Variants in LNX2 observed in about 807,000 individuals in gnomAD.
LNX2 encodes the protein ligand of numb-protein X 2, also known as ligand of Numb protein X 2.
Under a neutral mutation model 66.2 loss-of-function variants are expected in LNX2, and 35 were observed. That is an observed-to-expected ratio of 0.53 (90% CI 0.40 to 0.70). The LOEUF (loss-of-function observed/expected upper bound fraction) is 0.70, where lower values mean the gene tolerates loss of function less well. LNX2 is among the 30% of genes least tolerant of loss of function. The probability of loss-of-function intolerance (pLI) is 0.00; values close to 1 mark genes in which losing one functional copy is unlikely to be tolerated. For synonymous variants in LNX2, 337 were observed against 315.6 expected, an observed-to-expected ratio of 1.07 and a Z score of -0.72; for missense variants, 791 against 850.8, an observed-to-expected ratio of 0.93 and a Z score of 0.87.
Position 27,562,554 on chromosome 13 carries a change from C to T in LNX2, c.1083G>A (p.Glu361=), listed in dbSNP as rs780090476. The change falls in exon 5 of 10, where the codon GAG becomes GAA. Residue 361 remains glutamate, a synonymous_variant. Transcript: ENST00000316334. Reference sequence around the variant, plus strand: ...ACAGGTCAAGAATAAAAACCCCTGGCTCATCTGTCCTTCGCACCAATTTAA... The same window carrying T: ...ACAGGTCAAGAATAAAAACCCCTGGTTCATCTGTCCTTCGCACCAATTTAA... ...LGIKLVRRTD[E]PGVFILDLLE... The T allele has an allele frequency of 3.1e-6, 5 of 1,614,152 alleles. No homozygotes were observed. In the South Asian group the frequency reaches 4.4e-5, roughly 14 times the overall value.
chr13:27,581,946 G>A lies in LNX2; in HGVS notation c.-100-143C>T, dbSNP rs559203343. The A allele has an allele frequency of 1.7e-4, 63 of 363,896 alleles. 1 individual carries two copies. The South Asian group carries it at 7.0e-3, about 41-fold the overall frequency. 22.5% of individuals were successfully genotyped at this position (363,896 alleles called of 1,614,324 possible). On this transcript the variant is annotated intron_variant, in intron 1 of 9. Transcript: ENST00000316334. ...AGGTAATAAATTAGTCATAAAAAAA[G>A]AAATTAATTTTCTAGTTGGCTAAGA...
In LNX2 at chr13:27,565,551, T is replaced by C. The variant is rs1486562179; in HGVS notation, c.855+2089A>G. ...AGGATGTAAATAATACAAGGGGTCC[T>C]ACAAGTTGTGCCAGCCTGTGCAGCT... On this transcript the variant is annotated intron_variant, in intron 4 of 9. Transcript: ENST00000316334. Among the ~76,000 whole-genome samples, 3 of 152,210 alleles carry C rather than the reference T, an allele frequency of 2.0e-5. No homozygotes were observed. The East Asian group carries it at 5.8e-4, about 29-fold the overall frequency.
intron 1 of LNX2, among the ~76,000 whole-genome samples, chr13:27,583,238 G>GTCCTCTCCAATATAACTT (rs1566124816): frequency 9.3e-5 from 2 of 21,608 alleles, no homozygotes; most frequent in Non-Finnish European, 1.6e-4. Flanking sequence ...GTGTGTGTGT[G>GTCCTCTCCAATATAACTT]TGTGTGTGTG....
intron 1 of LNX2, among the ~76,000 whole-genome samples, chr13:27,583,224 G>GCGCGCGCGTCCTCTCCTATATATC (rs1472197071): frequency 7.6e-5 from 2 of 26,388 alleles, no homozygotes; most frequent in African/African-American, 3.1e-4. Flanking sequence ...GTGTGTGTGT[G>GCGCGCGCGTCCTCTCCTATATATC]TGTGTGTGTG....
intron 1 of LNX2, among the ~76,000 whole-genome samples, chr13:27,605,847 A>G (rs1407547935): frequency 6.6e-6 from 1 of 152,214 alleles, no homozygotes; most frequent in African/African-American, 2.4e-5. Context: ...AAGAAAAGCA[A>G]TGTAACACTG....
intron 6 of LNX2, among the ~76,000 whole-genome samples, chr13:27,557,900 G>C (rs1027598997): frequency 2.6e-5 from 4 of 152,136 alleles, no homozygotes; most frequent in Admixed American, 2.6e-4. Flanking sequence ...TTATTCTGAA[G>C]ACAACTCAGG....
intron 1 of LNX2, among the ~76,000 whole-genome samples, chr13:27,616,998 T>A (rs1430645365): frequency 6.6e-6 from 1 of 152,212 alleles, no homozygotes; most frequent in Non-Finnish European, 1.5e-5. Flanking sequence ...ATCGCCCGCC[T>A]CAGCCTCCCA....
rs1954932990 is a variant in LNX2, at chr13:27,545,956, C to T, written c.*2379G>A. On this transcript the variant is annotated 3_prime_UTR_variant, in exon 10 of 10. Coordinates refer to ENST00000316334, the MANE Select transcript of LNX2 (RefSeq NM_153371.4). Reference sequence around the variant, plus strand: ...TTATTTCCATCCTGAATGATTCACACCATTATTTAAACATCTGAAAAATCC... The same window carrying T: ...TTATTTCCATCCTGAATGATTCACATCATTATTTAAACATCTGAAAAATCC... 1 of 152,112 alleles carries T rather than the reference C, an allele frequency of 6.6e-6. No homozygotes were observed. Among genetic ancestry groups the T allele is most frequent in the African/African-American group, 2.4e-5 (1 of 41,412 alleles). The allele number at this position is 152,112 out of a possible 1,614,324, so 9.4% of individuals were successfully genotyped here. A position where few individuals can be genotyped will look rare whatever the true frequency, so the allele number is the denominator to read the frequency against.
Position 27,562,761 on chromosome 13 carries a change from G to A in LNX2, c.876C>T (p.Ser292=). 6.2e-7 allele frequency: 1 copy of A among 1,611,280 alleles called. No homozygotes were observed. The highest frequency in any genetic ancestry group is 2.2e-5 in the East Asian group (1 of 44,804). ...QILQVNNYNI[S]NVSHNYARAV... is the part of the protein sequence containing the mutation. ...CTCGGGCATAGTTATGGGACACATT[G>A]CTGATATTGTAGTTGTTGACCTAGA... Residue 292 remains serine, a synonymous_variant, in exon 5 of 10, where the codon AGC becomes AGT. Coordinates refer to ENST00000316334, the MANE Select transcript of LNX2 (RefSeq NM_153371.4).
intron 1 of LNX2, among the ~76,000 whole-genome samples, chr13:27,587,748 G>A (rs778086232): frequency 1.7e-4 from 26 of 151,608 alleles, no homozygotes; most frequent in Non-Finnish European, 3.1e-4. Flanking sequence ...GTCGCCAGGC[G>A]CGGTGGCTCA....
chr13:27,554,713 T>A (rs1955038953), intron 7 of LNX2, among the ~76,000 whole-genome samples: 1 of 152,204 alleles, frequency 6.6e-6, no homozygotes, highest in Non-Finnish European at 1.5e-5. Context: ...CAAGTTTTCG[T>A]ATGAACAGCT....
intron 1 of LNX2, among the ~76,000 whole-genome samples, chr13:27,613,645 G>A (rs923167622): frequency 6.6e-6 from 1 of 152,122 alleles, no homozygotes; most frequent in Non-Finnish European, 1.5e-5. Context: ...GCGGGTGCTT[G>A]TAATCCCAGC....
In LNX2 at chr13:27,587,766, A is replaced by G. The variant is rs550712808; in HGVS notation, c.-100-5963T>C. ...GCCAGGCGCGGTGGCTCACGCCTGT[A>G]ATCCCAGCACTTTGGGAGGCCAAGG... On this transcript the variant is annotated intron_variant, in intron 1 of 9. Coordinates refer to ENST00000316334, the MANE Select transcript of LNX2 (RefSeq NM_153371.4). Among the ~76,000 whole-genome samples, 7 of 152,060 alleles carry G rather than the reference A, an allele frequency of 4.6e-5. No homozygotes were observed. The South Asian group carries it at 1.2e-3, about 27-fold the overall frequency.
intron 1 of LNX2, among the ~76,000 whole-genome samples, chr13:27,587,792 C>G (rs542704107): frequency 6.6e-6 from 1 of 151,918 alleles, no homozygotes; most frequent in African/African-American, 2.4e-5. Flanking sequence ...GAGGCCAAGG[C>G]GGGCAGATCA....
At chr13:27,589,626 T>C (rs2138421959) in intron 1 of LNX2, among the ~76,000 whole-genome samples, 1 of 152,242 alleles carries the variant, frequency 6.6e-6, no homozygotes, top group South Asian at 2.1e-4. Flanking sequence ...TGAAAAAGGT[T>C]TTTTTAGTGC....
intron 1 of LNX2, among the ~76,000 whole-genome samples, chr13:27,597,570 C>T (rs915540125): frequency 2.6e-5 from 4 of 152,064 alleles, no homozygotes; most frequent in African/African-American, 9.7e-5. Context: ...GCAAGGGTTC[C>T]TGAGTCAAAT....
At chr13:27,615,693 T>C (rs1347518612) in intron 1 of LNX2, among the ~76,000 whole-genome samples, 2 of 152,140 alleles carry the variant, frequency 1.3e-5, no homozygotes, top group African/African-American at 2.4e-5. Flanking sequence ...TTGAGAGTTG[T>C]ATGCCAGGAA....
At chr13:27,612,697 C>A (rs992771868) in intron 1 of LNX2, among the ~76,000 whole-genome samples, 1 of 152,100 alleles carries the variant, frequency 6.6e-6, no homozygotes, top group Non-Finnish European at 1.5e-5. Context: ...CTCCTGGGCT[C>A]AGGTGATCCT....
At chr13:27,557,739 A>C (rs1955080787) in intron 6 of LNX2, among the ~76,000 whole-genome samples, 1 of 152,054 alleles carries the variant, frequency 6.6e-6, no homozygotes, top group African/African-American at 2.4e-5. Context: ...ATACTCTTGA[A>C]ATTTTACCAA....
Sources: gnomAD v4.1 joint callset for allele counts (sites outside exome capture counted in the v4.1 genomes callset) on GRCh38, gnomAD v4.1.1 for gene constraint, MANE v1.5 for transcripts, NCBI Gene and HGNC (gene_info 2026-07-23, HGNC 2026-07-21) for gene names.